Variants in SPRR2B observed in about 807,000 individuals in gnomAD.
The protein encoded by SPRR2B is small proline-rich protein 2B.
Under a neutral mutation model 1.0 loss-of-function variants are expected in SPRR2B, and 1 was observed. The ratio of observed to expected loss-of-function variants is 1.01; its 90% CI spans 0.36 to 4.77. SPRR2B has a LOEUF of 4.77. SPRR2B is among the 30% of genes most tolerant of loss of function. SPRR2B has a pLI of 0.16. For synonymous variants in SPRR2B, 27 were observed against 33.4 expected (o/e 0.81, Z 0.66); for missense variants, 53 against 88.7 (o/e 0.60, Z 1.62).
At chr1:153,083,140 C>T in the SPRR2B span, among the ~76,000 whole-genome samples, 1 of 152,092 alleles carries the variant, frequency 6.6e-6, no homozygotes, top group African/African-American at 2.4e-5. Context: ...TGTCTACCAA[C>T]TCGTGAAGAA....
At chr1:153,085,951 G>GA in the SPRR2B span, among the ~76,000 whole-genome samples, 1 of 152,096 alleles carries the variant, frequency 6.6e-6, no homozygotes, top group African/African-American at 2.4e-5. Flanking sequence ...AAGTTAAAGA[G>GA]AAAAAAGATC....
chr1:153,077,072 T>C, the SPRR2B span, among the ~76,000 whole-genome samples: 2 of 152,076 alleles, frequency 1.3e-5, no homozygotes, highest in Non-Finnish European at 2.9e-5. Flanking sequence ...TACAATCAAA[T>C]TATCAAAAGA....
At chr1:153,073,630 A>C (rs1654716746), upstream of SPRR2B, among the ~76,000 whole-genome samples, 1 of 152,062 alleles carries the variant, frequency 6.6e-6, no homozygotes, top group South Asian at 2.1e-4. Flanking sequence ...GAAGAGGAGC[A>C]GCTAACAGTC....
the SPRR2B span, among the ~76,000 whole-genome samples, chr1:153,087,589 A>G: frequency 6.6e-6 from 1 of 152,202 alleles, no homozygotes; most frequent in Non-Finnish European, 1.5e-5. Context: ...CAGAAATACA[A>G]ATAAACATCA....
upstream of SPRR2B, among the ~76,000 whole-genome samples, chr1:153,073,660 A>C (rs1570990004): frequency 6.6e-6 from 1 of 151,860 alleles, no homozygotes; most frequent in East Asian, 1.9e-4. Flanking sequence ...CCAGGTTAGG[A>C]CATCCAGGCC....
the SPRR2B span, among the ~76,000 whole-genome samples, chr1:153,087,467 G>A: frequency 3.9e-5 from 6 of 151,984 alleles, no homozygotes; most frequent in African/African-American, 1.2e-4. Flanking sequence ...CCAGGAGGTG[G>A]TTCTTGAGAA....
Position 153,070,519 on chromosome 1 carries a change from T to C in SPRR2B, c.*102A>G, listed in dbSNP as rs930318298. On this transcript the variant is annotated 3_prime_UTR_variant, in exon 2 of 2. Coordinates refer to ENST00000368755, the MANE Select transcript of SPRR2B (RefSeq NM_001388198.1). ...AGGCTAAGGGGAAAGAAGCTCCCTATGAATCCATGATAAGCTTTGATGAGA... is the reference window on the plus strand; with the variant it reads ...AGGCTAAGGGGAAAGAAGCTCCCTACGAATCCATGATAAGCTTTGATGAGA... The C allele has an allele frequency of 3.9e-6, 6 of 1,536,910 alleles. No individual in the cohort carries two copies. The highest frequency in any genetic ancestry group is 8.8e-7 in the Non-Finnish European group (1 of 1,140,374).
chr1:153,073,735 CAT>C (rs1654720296), upstream of SPRR2B, among the ~76,000 whole-genome samples: 1 of 137,462 alleles, frequency 7.3e-6, no homozygotes, highest in African/African-American at 2.9e-5. Flanking sequence ...ACACACACAA[CAT>C]GAGTCTTTAT....
At chr1:153,086,057 A>G in the SPRR2B span, among the ~76,000 whole-genome samples, 8 of 152,312 alleles carry the variant, frequency 5.3e-5, no homozygotes, top group East Asian at 1.5e-3. Flanking sequence ...AGGAAAAACA[A>G]TTATCAGCAA....
chr1:153,081,633 T>A, the SPRR2B span, among the ~76,000 whole-genome samples: 2,380 of 152,302 alleles, frequency 0.016, 61 homozygotes, highest in African/African-American at 0.055. Context: ...CACTGGTATA[T>A]AAAAGCCAGC....
chr1:153,084,270 A>G, the SPRR2B span, among the ~76,000 whole-genome samples: 20 of 152,004 alleles, frequency 1.3e-4, no homozygotes, highest in Non-Finnish European at 2.8e-4. Flanking sequence ...TCTCCCCACC[A>G]GTACATATGA....
chr1:153,086,311 CA>C, the SPRR2B span, among the ~76,000 whole-genome samples: 1 of 152,026 alleles, frequency 6.6e-6, no homozygotes, highest in African/African-American at 2.4e-5. Context: ...CACATAGGCT[CA>C]AAGTAAAGGG....
chr1:153,076,220 A>C (rs1654765247), upstream of SPRR2B, among the ~76,000 whole-genome samples: 1 of 152,228 alleles, frequency 6.6e-6, no homozygotes, highest in Admixed American at 6.5e-5. Flanking sequence ...CCTTGTAAGC[A>C]ACTGAATAGC....
chr1:153,079,841 A>C, the SPRR2B span, among the ~76,000 whole-genome samples: 3 of 152,076 alleles, frequency 2.0e-5, no homozygotes, highest in South Asian at 6.2e-4. Context: ...TTGACTTGGC[A>C]ATGCGGGCTC....
At chr1:153,081,175 G>A in the SPRR2B span, among the ~76,000 whole-genome samples, 49,713 of 151,754 alleles carry the variant, frequency 0.33, 9,573 homozygotes, top group Non-Finnish European at 0.45. Flanking sequence ...AGAGAATCTC[G>A]AAAGCAGCAA....
At position 153,070,476 on chromosome 1, in the gene SPRR2B, A is replaced by G. The variant is rs576864561; in HGVS notation, c.*145T>C. ...AAAGGAAACCTTTTGCTATCAGGGA[A>G]CATCATGGGCAGATCACAGGCTAAG... On this transcript the variant is annotated 3_prime_UTR_variant, in exon 2 of 2. Coordinates refer to ENST00000368755, the MANE Select transcript of SPRR2B (RefSeq NM_001388198.1). 2 of 1,416,596 alleles carry G rather than the reference A, an allele frequency of 1.4e-6. No homozygotes were observed. The highest frequency in any genetic ancestry group is 9.5e-7 in the Non-Finnish European group (1 of 1,054,448). 87.8% of individuals were successfully genotyped at this position (1,416,596 alleles called of 1,614,324 possible). A position where few individuals can be genotyped will look rare whatever the true frequency, so the allele number is the denominator to read the frequency against.
the SPRR2B span, among the ~76,000 whole-genome samples, chr1:153,082,952 A>G: frequency 1.3e-5 from 2 of 152,214 alleles, no homozygotes; most frequent in African/African-American, 2.4e-5. Context: ...AAATCTTTAG[A>G]CAGAATAACT....
At chr1:153,084,513 C>T in the SPRR2B span, among the ~76,000 whole-genome samples, 1 of 152,116 alleles carries the variant, frequency 6.6e-6, no homozygotes. Flanking sequence ...ACACCTGCAC[C>T]CATCAGCACC....
At chr1:153,082,088 T>A in the SPRR2B span, among the ~76,000 whole-genome samples, 29 of 152,284 alleles carry the variant, frequency 1.9e-4, 1 homozygote, top group Middle Eastern at 0.027. Context: ...AAACGGGTGT[T>A]AATTCAAATT....
Sources: allele counts gnomAD v4.1 joint callset (sites outside exome capture counted in the v4.1 genomes callset), GRCh38; gene constraint gnomAD v4.1.1; transcripts MANE v1.5; gene names NCBI Gene and HGNC (gene_info 2026-07-23, HGNC 2026-07-21).